The following CTBP1 variants were observed in gnomAD, a reference collection of about 807,000 sequenced individuals.
CTBP1 encodes the protein C-terminal binding protein 1, also known as C-terminal-binding protein 1.
Under a neutral mutation model 42.1 loss-of-function variants are expected in CTBP1, and 11 were observed. The ratio of observed to expected loss-of-function variants is 0.26; its 90% CI spans 0.16 to 0.43. The LOEUF (loss-of-function observed/expected upper bound fraction) is 0.43, where lower values mean the gene tolerates loss of function less well. Ranked by LOEUF, CTBP1 falls within the 20% of genes least tolerant of loss-of-function variation. The pLI, the probability that CTBP1 is intolerant of heterozygous loss-of-function variation, is 1.00. For synonymous variants in CTBP1, 324 were observed against 277.1 expected (o/e 1.17, Z -1.68); for missense variants, 399 against 624.3 (o/e 0.64, Z 3.85).
intron 1 of CTBP1, chr4:1,245,089 T>A (rs1457590293): frequency 1.0e-6 from 1 of 984,194 alleles, no homozygotes; most frequent in Non-Finnish European, 1.2e-6. Context: ...ACCCACAGGT[T>A]GAAACAGCTC....
chr4:1,232,330 G>T lies in CTBP1; in HGVS notation c.163-3987C>A, dbSNP rs376394171. Among the ~76,000 whole-genome samples, 368 of 151,644 alleles carry T rather than the reference G, an allele frequency of 2.4e-3. 1 individual carries two copies. Among genetic ancestry groups the T allele is most frequent in the African/African-American group, 8.4e-3 (349 of 41,372 alleles). On this transcript the variant is annotated intron_variant, in intron 3 of 9. Coordinates refer to ENST00000382952, the MANE Select transcript of CTBP1 (RefSeq NM_001012614.2). ...GTCATTCTTTCTTTTTTTCCTTTTT[G>T]AGACAGAGTCTTGCTCTGTTGCCCA...
intron 5 of CTBP1, among the ~76,000 whole-genome samples, chr4:1,224,425 G>A (rs1427835412): frequency 6.6e-6 from 1 of 151,338 alleles, no homozygotes; most frequent in Non-Finnish European, 1.5e-5. Flanking sequence ...GTGAGGCTGT[G>A]TGTACTGTGA....
intron 1 of CTBP1, chr4:1,243,139 T>C (rs1006595001): frequency 1.0e-6 from 1 of 985,254 alleles, no homozygotes. Context: ...GACCGGCCAA[T>C]ACTCAATACT....
At chr4:1,225,140 G>C (rs1730188988) in intron 5 of CTBP1, among the ~76,000 whole-genome samples, 1 of 152,048 alleles carries the variant, frequency 6.6e-6, no homozygotes, top group Non-Finnish European at 1.5e-5. Flanking sequence ...ATCTGTGTGT[G>C]CCTGTGTGAG....
chr4:1,225,414 C>T lies in CTBP1; in HGVS notation c.460G>A (p.Val154Met). 6.4e-7 allele frequency: 1 copy of T among 1,565,286 alleles called. No individual in the cohort carries two copies. Among genetic ancestry groups the T allele is most frequent in the Admixed American group, 1.8e-5 (1 of 54,536 alleles). ...CGGATCCTGGCAGCGCCGGACGCCA[C>T]CTCGCGGATCTGCTCGACGCTCTGG... ...RVQSVEQIRE[V>M]ASGAARIRGE... The change falls in exon 5 of 10, where the codon GTG becomes ATG. Residue 154 changes from valine (V) to methionine (M), a missense_variant. Around this residue, in one of 4 missense-constraint regions of CTBP1, gnomAD observed 309 missense variants for 497.5 expected, o/e 0.62. Transcript: ENST00000382952.
chr4:1,224,183 G>C (rs1374603554), intron 5 of CTBP1, among the ~76,000 whole-genome samples: 1 of 152,236 alleles, frequency 6.6e-6, no homozygotes, highest in Non-Finnish European at 1.5e-5. Flanking sequence ...ACGTGCCCAT[G>C]ACTGACATCA....
rs543896435 is a variant in CTBP1 at position 1,214,307 on chromosome 4, G to A, written c.860+36C>T. The stretch of plus-strand genomic sequence containing the variant: ...TCAAGGCCGGCAGGATGGTGGACAG[G>A]GAAGAGCAGGGGGGCGGCACTGGCC... On this transcript the variant is annotated intron_variant, in intron 7 of 9. Coordinates refer to ENST00000382952, the MANE Select transcript of CTBP1 (RefSeq NM_001012614.2). 5 of 1,522,366 alleles carry A rather than the reference G, an allele frequency of 3.3e-6. No individual in the cohort carries two copies. In the South Asian group the frequency reaches 5.1e-5, roughly 16 times the overall value. 94.3% of individuals were successfully genotyped at this position (1,522,366 alleles called of 1,614,324 possible).
At chr4:1,244,397 C>T (rs1443818048) in intron 1 of CTBP1, 14 of 983,584 alleles carry the variant, frequency 1.4e-5, no homozygotes, top group African/African-American at 1.8e-5. Context: ...CACCAAGATG[C>T]GCCAGGACCA....
At chr4:1,250,178 G>T (rs1733187552), upstream of CTBP1, 2 of 173,454 alleles carry the variant, frequency 1.2e-5, no homozygotes, top group South Asian at 1.2e-4. Flanking sequence ...ATTTCGCTGT[G>T]GTTCGTGAGG....
Position 1,225,564 on chromosome 4 carries a change from T to C in CTBP1, c.310A>G (p.Ile104Val), listed in dbSNP as rs1365317056. The C allele has an allele frequency of 6.5e-7, 1 of 1,540,026 alleles. No individual in the cohort carries two copies. Among genetic ancestry groups the C allele is most frequent in the Non-Finnish European group, 8.7e-7 (1 of 1,146,360 alleles). Reference protein sequence around the residue: ...IDIKSAGDLGIAVCNVPAASV... With the variant: ...IDIKSAGDLGVAVCNVPAASV... ...GCCGCGGGCACGTTGCAGACGGCAA[T>C]GCCTGTGGGGACAAGGACACGGCGG... Residue 104 changes from isoleucine to valine, a missense_variant and splice_region_variant, in exon 5 of 10, where the codon ATT becomes GTT. Ile to Val is a conservative substitution (Grantham distance 29). Around this residue, in one of 4 missense-constraint regions of CTBP1, gnomAD observed 309 missense variants for 497.5 expected, o/e 0.62. Coordinates refer to ENST00000382952, the MANE Select transcript of CTBP1 (RefSeq NM_001012614.2).
At chr4:1,215,022 G>GC (rs1161945030) in intron 6 of CTBP1, among the ~76,000 whole-genome samples, 5 of 152,298 alleles carry the variant, frequency 3.3e-5, no homozygotes, top group Admixed American at 6.5e-5. Flanking sequence ...CTTTCCTGCA[G>GC]CCCCCCCATT....
intron 5 of CTBP1, among the ~76,000 whole-genome samples, chr4:1,220,428 TG>T (rs1306244974): frequency 6.6e-6 from 1 of 152,084 alleles, no homozygotes; most frequent in Admixed American, 6.5e-5. Context: ...TTAAAATAAA[TG>T]GAGAGATCAT....
intron 2 of CTBP1, 43 bp downstream of exon 2, chr4:1,241,282 G>A (rs201259667): frequency 5.2e-5 from 41 of 789,248 alleles, no homozygotes; most frequent in Middle Eastern, 4.6e-4. Flanking sequence ...CAAAGAGACC[G>A]GCCGGCTTCA....
chr4:1,216,176 C>T lies in CTBP1; in HGVS notation c.544G>A (p.Ala182Thr). 1 of 1,610,620 alleles carries T rather than the reference C, an allele frequency of 6.2e-7. No homozygotes were observed. Among genetic ancestry groups the T allele is most frequent in the African/African-American group, 1.3e-5 (1 of 75,000 alleles). The change falls in exon 6 of 10, where the codon GCC becomes ACC. Residue 182 changes from alanine to threonine, a missense_variant. Coordinates refer to ENST00000382952, the MANE Select transcript of CTBP1 (RefSeq NM_001012614.2). The part of the protein sequence containing the change: ...GRVGQAVALR[A>T]KAFGFNVLFY... ...AGCACGTTGAAGCCGAAGGCCTTGG[C>T]CCGCAGCGCCACTGCCTGCCCCACG...
intron 1 of CTBP1, chr4:1,244,257 C>G: frequency 4.1e-6 from 4 of 984,982 alleles, no homozygotes; most frequent in Non-Finnish European, 4.8e-6. Context: ...TCGGTCCATT[C>G]TGGTCTGGAG....
chr4:1,236,492 G>GA, intron 3 of CTBP1: 1 of 596,984 alleles, frequency 1.7e-6, no homozygotes, highest in Admixed American at 2.8e-5. Context: ...TGCTCTCTGG[G>GA]AAAAAACTGA....
intron 1 of CTBP1, chr4:1,244,143 G>A: frequency 9.1e-6 from 9 of 985,312 alleles, no homozygotes; most frequent in South Asian, 4.7e-5. Context: ...CTGGCCACAT[G>A]TCAACGCCCT....
At chr4:1,245,918 C>A (rs908655243) in intron 1 of CTBP1, among the ~76,000 whole-genome samples, 1 of 152,224 alleles carries the variant, frequency 6.6e-6, no homozygotes, top group Non-Finnish European at 1.5e-5. Flanking sequence ...GGGCCATCCT[C>A]ACTCTCCTTC....
chr4:1,239,193 G>T (rs115107180), intron 2 of CTBP1, among the ~76,000 whole-genome samples: 140 of 152,348 alleles, frequency 9.2e-4, no homozygotes, highest in African/African-American at 3.3e-3. Context: ...GGGGCCAACT[G>T]GAGAAATAAG....
Sources: gnomAD v4.1 joint callset for allele counts (sites outside exome capture counted in the v4.1 genomes callset) on GRCh38, gnomAD v4.1.1 for gene constraint, gnomAD v4.1.1 regional missense constraint, MANE v1.5 for transcripts, NCBI Gene and HGNC (gene_info 2026-07-23, HGNC 2026-07-21) for gene names.